TBX4: variants seen among roughly 807,000 people sequenced by gnomAD.
TBX4 encodes T-box transcription factor TBX4.
A neutral mutation model predicts 54.6 loss-of-function variants in TBX4; 13 were observed. The observed-to-expected ratio is 0.24, with a 90% CI of 0.15 to 0.38. The LOEUF (loss-of-function observed/expected upper bound fraction) is 0.38. Ranked by LOEUF, TBX4 falls within the 10% of genes least tolerant of loss-of-function variation. The pLI is 1.00. For missense variants in TBX4, 631 were observed against 728.5 expected, an observed-to-expected ratio of 0.87 and a Z score of 1.54; for synonymous variants, 314 against 306.7, an observed-to-expected ratio of 1.02 and a Z score of -0.25.
At chr17:61,468,146 C>T (rs1266032977) in intron 5 of TBX4, among the ~76,000 whole-genome samples, 2 of 152,170 alleles carry the variant, frequency 1.3e-5, no homozygotes, top group Admixed American at 6.5e-5. Flanking sequence ...TTGGTGTGTA[C>T]CGTCTGCCTG....
intron 1 of TBX4, among the ~76,000 whole-genome samples, chr17:61,453,778 G>A (rs962950975): frequency 1.3e-5 from 2 of 152,150 alleles, no homozygotes. Flanking sequence ...GGAGTGTTAT[G>A]AGCAAGCCTA....
chr17:61,457,174 C>T lies in TBX4; in HGVS notation c.187-363C>T, dbSNP rs1276401757. 6.6e-6 allele frequency among the ~76,000 whole-genome samples: 1 copy of T among 152,054 alleles called. No individual in the cohort carries two copies. Among genetic ancestry groups the T allele is most frequent in the African/African-American group, 2.4e-5 (1 of 41,428 alleles). ...GATCTGTGTGCACTATCTGCAGGCG[C>T]GCGCCTGGCCGAGGGTGCGTGCGCC... is the stretch of plus-strand genomic sequence containing the variant. On this transcript the variant is annotated intron_variant, in intron 2 of 8. Transcript: ENST00000644296. The surrounding 1 kb of genome is among the most constrained non-coding windows in gnomAD (Gnocchi z 8.2).
chr17:61,465,815 C>G lies in TBX4; in HGVS notation c.282-4C>G. ...CGCTCCGCCTCACCCCTCGGCTCCC[C>G]CAGGAGGATGTTCCCCAGCTACAAG... On this transcript the variant is annotated splice_region_variant and splice_polypyrimidine_tract_variant and intron_variant, in intron 3 of 8. Transcript: ENST00000644296. This position sits in a 1 kb window ranked among gnomAD's most constrained non-coding sequence, Gnocchi z 4.9. The G allele has an allele frequency of 6.2e-7, 1 of 1,613,980 alleles. No homozygotes were observed. Among genetic ancestry groups the G allele is most frequent in the South Asian group, 1.1e-5 (1 of 91,054 alleles).
In TBX4 at chr17:61,457,477, C is replaced by T. The variant is rs2060460757; in HGVS notation, c.187-60C>T. 6.6e-7 allele frequency: 1 copy of T among 1,512,658 alleles called. No individual in the cohort carries two copies. The highest frequency in any genetic ancestry group is 9.2e-7 in the Non-Finnish European group (1 of 1,087,780). The allele number at this position is 1,512,658 out of a possible 1,614,324, so 93.7% of individuals were successfully genotyped here. A position where few individuals can be genotyped will look rare whatever the true frequency, so the allele number is the denominator to read the frequency against. ...TCTTCGGGTCTGGTTCTTCTTTCCT[C>T]AGGCTCCGCGTGGAGCCCTGGGCCT... On this transcript the variant is annotated intron_variant, in intron 2 of 8. Transcript: ENST00000644296. This position sits in a 1 kb window ranked among gnomAD's most constrained non-coding sequence, Gnocchi z 8.2.
rs1569031935 is a variant in TBX4, at chr17:61,456,654, T to C, written c.164T>C (p.Val55Ala). The change falls in exon 2 of 9, where the codon GTC (valine) becomes GCC (alanine). Residue 55 changes from valine (V) to alanine (A), a missense_variant. Physicochemically the swap from Val to Ala is moderately conservative, Grantham distance 64 (BLOSUM62 0). This residue lies in a region of TBX4 where 123 missense variants were observed against 120.9 expected (regional missense o/e 1.02). Transcript: ENST00000644296. Reference sequence around the variant, plus strand: ...CCCCCGGGACCCGGGGCCGACGTCGTCGCCGCCGCCGCCGCGGAGCAGGTA... The same window carrying C: ...CCCCCGGGACCCGGGGCCGACGTCGCCGCCGCCGCCGCCGCGGAGCAGGTA... ...GSPPGPGADV[V>A]AAAAAEQTIE... The C allele has an allele frequency of 8.1e-6, 11 of 1,351,956 alleles. No homozygotes were observed. The highest frequency in any genetic ancestry group is 6.5e-5 in the Admixed American group (2 of 30,542). 83.7% of individuals were successfully genotyped at this position (1,351,956 alleles called of 1,614,324 possible).
At chr17:61,463,964 G>T (rs1021983865) in intron 3 of TBX4, among the ~76,000 whole-genome samples, 2 of 152,156 alleles carry the variant, frequency 1.3e-5, no homozygotes, top group South Asian at 4.1e-4. Context: ...ATCCAGCTGC[G>T]CCCCCAGGCC....
rs1018324425 is a variant in TBX4 at position 61,478,500 on chromosome 17, G to A, written c.550-127G>A. Reference sequence around the variant, plus strand: ...TCACTTGGGAGCTCCAGTCCTGGTCGGTAGGCCCCGGATCCTGGGCTTTGA... The same window carrying A: ...TCACTTGGGAGCTCCAGTCCTGGTCAGTAGGCCCCGGATCCTGGGCTTTGA... On this transcript the variant is annotated intron_variant, in intron 5 of 8. Transcript: ENST00000644296. This position sits in a 1 kb window ranked among gnomAD's most constrained non-coding sequence, Gnocchi z 7.4. 1.1e-5 allele frequency: 15 copies of A among 1,316,672 alleles called. No individual in the cohort carries two copies. Among genetic ancestry groups the A allele is most frequent in the Non-Finnish European group, 1.5e-5 (14 of 926,718 alleles). 81.6% of individuals were successfully genotyped at this position (1,316,672 alleles called of 1,614,324 possible).
At position 61,478,423 on chromosome 17, in the gene TBX4, A is replaced by G. The variant is rs2060637954; in HGVS notation, c.550-204A>G. On this transcript the variant is annotated intron_variant, in intron 5 of 8. Coordinates refer to ENST00000644296, the MANE Select transcript of TBX4 (RefSeq NM_001321120.2). The surrounding 1 kb of genome is among the most constrained non-coding windows in gnomAD (Gnocchi z 7.4). ...GCTGGGCATTAGTGCTGGTGCAGAGAGGCTAAGTAGGGCTGGGGTGGGGAG... is the reference window on the plus strand; with the variant it reads ...GCTGGGCATTAGTGCTGGTGCAGAGGGGCTAAGTAGGGCTGGGGTGGGGAG... 1.3e-5 allele frequency: 8 copies of G among 635,908 alleles called. No homozygotes were observed. The highest frequency in any genetic ancestry group is 2.7e-5 in the Admixed American group (1 of 37,286). 39.4% of individuals were successfully genotyped at this position (635,908 alleles called of 1,614,324 possible).
intron 4 of TBX4, 130 bp downstream of exon 4, chr17:61,466,068 T>C (rs2060535566): frequency 2.1e-6 from 3 of 1,423,066 alleles, no homozygotes; most frequent in Admixed American, 1.7e-5. Context: ...TGGAGTCCAC[T>C]GCCTGGAACT....
chr17:61,469,749 A>G (rs1043041263), intron 5 of TBX4, among the ~76,000 whole-genome samples: 3 of 152,172 alleles, frequency 2.0e-5, no homozygotes, highest in Non-Finnish European at 2.9e-5. Context: ...GTGGAGAGAC[A>G]TATCAGGGCA....
rs1335050593 is a variant in TBX4 at position 61,483,565 on chromosome 17, C to T, written c.*49C>T. The T allele has an allele frequency of 2.2e-5, 35 of 1,610,632 alleles. No homozygotes were observed. Among genetic ancestry groups the T allele is most frequent in the Non-Finnish European group, 2.8e-5 (33 of 1,178,918 alleles). ...CGGGACCGTGTTGCTCCAGTATTAA[C>T]CTCTGTGGGTGGCCTGCACTCTACC... On this transcript the variant is annotated 3_prime_UTR_variant, in exon 9 of 9. Coordinates refer to ENST00000644296, the MANE Select transcript of TBX4 (RefSeq NM_001321120.2). The surrounding 1 kb of genome is among the most constrained non-coding windows in gnomAD (Gnocchi z 6.6).
At position 61,480,221 on chromosome 17, in the gene TBX4, G is replaced by A; in HGVS notation, c.923G>A (p.Gly308Glu). 1 of 1,614,090 alleles carries A rather than the reference G, an allele frequency of 6.2e-7. No individual in the cohort carries two copies. Among genetic ancestry groups the A allele is most frequent in the South Asian group, 1.1e-5 (1 of 91,076 alleles). ...QALQHYQHEN[G>E]AHSQLAEPQD... is the part of the protein sequence containing the mutation. ...CTCCAGCACTACCAGCACGAGAACG[G>A]GGCACACTCACAGCTCGCGGAGCCG... Residue 308 changes from glycine to glutamate, a missense_variant, in exon 8 of 9, where the codon GGG (glycine) becomes GAG (glutamate). Transcript: ENST00000644296. This position sits in a 1 kb window ranked among gnomAD's most constrained non-coding sequence, Gnocchi z 6.2.
intron 5 of TBX4, among the ~76,000 whole-genome samples, chr17:61,473,305 A>G (rs2143840979): frequency 6.6e-6 from 1 of 152,318 alleles, no homozygotes; most frequent in South Asian, 2.1e-4. Context: ...CGGAGTTACT[A>G]TGTGACTGCC....
intron 4 of TBX4, among the ~76,000 whole-genome samples, chr17:61,467,008 A>G (rs1431071156): frequency 1.3e-5 from 2 of 152,132 alleles, no homozygotes; most frequent in Non-Finnish European, 2.9e-5. Flanking sequence ...AAATGTAAAA[A>G]GTTAACTGGG....
Position 61,476,068 on chromosome 17 carries a change from C to T in TBX4, c.550-2559C>T, listed in dbSNP as rs959334024. Among the ~76,000 whole-genome samples the T allele has an allele frequency of 1.6e-4, 24 of 152,156 alleles. No homozygotes were observed. Among genetic ancestry groups the T allele is most frequent in the African/African-American group, 5.6e-4 (23 of 41,410 alleles). On this transcript the variant is annotated intron_variant, in intron 5 of 8. Transcript: ENST00000644296. The surrounding 1 kb of genome is among the most constrained non-coding windows in gnomAD (Gnocchi z 6.5). Reference sequence around the variant, plus strand: ...CCACTCTCAAACCCGACCTTGCACTCACTAGATCCTGTCTGGGGGCAAAGG... The same window carrying T: ...CCACTCTCAAACCCGACCTTGCACTTACTAGATCCTGTCTGGGGGCAAAGG...
Position 61,465,655 on chromosome 17 carries a change from C to A in TBX4, c.282-164C>A. 2.3e-6 allele frequency: 2 copies of A among 863,438 alleles called. No individual in the cohort carries two copies. The highest frequency in any genetic ancestry group is 3.7e-6 in the Non-Finnish European group (2 of 533,388). The allele number at this position is 863,438 out of a possible 1,614,324, so 53.5% of individuals were successfully genotyped here. On this transcript the variant is annotated intron_variant, in intron 3 of 8. Coordinates refer to ENST00000644296, the MANE Select transcript of TBX4 (RefSeq NM_001321120.2). This position sits in a 1 kb window ranked among gnomAD's most constrained non-coding sequence, Gnocchi z 4.9. ...CCACCTTTTCACTGTGCAGCTCGGG[C>A]AGAGGGGGAAGTGAGTTGTGCAGGT...
At position 61,465,823 on chromosome 17, in the gene TBX4, A is replaced by C; in HGVS notation, c.286A>C (p.Met96Leu). The change falls in exon 4 of 9, where the codon ATG becomes CTG. Residue 96 changes from methionine (M) to leucine (L), a missense_variant. Coordinates refer to ENST00000644296, the MANE Select transcript of TBX4 (RefSeq NM_001321120.2). The surrounding 1 kb of genome is among the most constrained non-coding windows in gnomAD (Gnocchi z 4.9). ...CTCACCCCTCGGCTCCCCCAGGAGGATGTTCCCCAGCTACAAGGTAAAAGT... is the reference window on the plus strand; with the variant it reads ...CTCACCCCTCGGCTCCCCCAGGAGGCTGTTCCCCAGCTACAAGGTAAAAGT... Reference protein sequence around the residue: ...EMIITKAGRRMFPSYKVKVTG... With the variant: ...EMIITKAGRRLFPSYKVKVTG... The C allele has an allele frequency of 6.2e-7, 1 of 1,613,970 alleles. No homozygotes were observed. The highest frequency in any genetic ancestry group is 8.5e-7 in the Non-Finnish European group (1 of 1,179,946).
rs972607160 is a variant in TBX4 at position 61,479,223 on chromosome 17, C to T, written c.702+444C>T. Reference sequence around the variant, plus strand: ...AGCCTGAGCGGAGGCCCTTCCCAGGCTGTGATAGGAGGTGCCCCAGCCACC... The same window carrying T: ...AGCCTGAGCGGAGGCCCTTCCCAGGTTGTGATAGGAGGTGCCCCAGCCACC... On this transcript the variant is annotated intron_variant, in intron 6 of 8. Transcript: ENST00000644296. The surrounding 1 kb of genome is among the most constrained non-coding windows in gnomAD (Gnocchi z 6.1). Among the ~76,000 whole-genome samples, 1 of 152,164 alleles carries T rather than the reference C, an allele frequency of 6.6e-6. No homozygotes were observed. The highest frequency in any genetic ancestry group is 1.5e-5 in the Non-Finnish European group (1 of 68,032).
rs1311810968 is a variant in TBX4 at position 61,478,486 on chromosome 17, C to A, written c.550-141C>A. 2.6e-6 allele frequency: 3 copies of A among 1,150,738 alleles called. No individual in the cohort carries two copies. Among genetic ancestry groups the A allele is most frequent in the African/African-American group, 3.0e-5 (2 of 65,596 alleles). The allele number at this position is 1,150,738 out of a possible 1,614,324, so 71.3% of individuals were successfully genotyped here. A position where few individuals can be genotyped will look rare whatever the true frequency, so the allele number is the denominator to read the frequency against. ...AGGGGCCTGGTTCTTCACTTGGGAG[C>A]TCCAGTCCTGGTCGGTAGGCCCCGG... On this transcript the variant is annotated intron_variant, in intron 5 of 8. Transcript: ENST00000644296. The surrounding 1 kb of genome is among the most constrained non-coding windows in gnomAD (Gnocchi z 7.4).
Sources: gnomAD v4.1 joint callset for allele counts (sites outside exome capture counted in the v4.1 genomes callset) on GRCh38, gnomAD v4.1.1 for gene constraint, gnomAD v4.1.1 regional missense constraint, Gnocchi (gnomAD v3.1) non-coding constraint, MANE v1.5 for transcripts, NCBI Gene and HGNC (gene_info 2026-07-23, HGNC 2026-07-21) for gene names.